CDH4: variants seen among roughly 807,000 people sequenced by gnomAD.
CDH4 encodes cadherin 4.
Under a neutral mutation model 86.0 loss-of-function variants are expected in CDH4, and 33 were observed. The ratio of observed to expected loss-of-function variants is 0.38; its 90% CI spans 0.29 to 0.51. The LOEUF is 0.51. Ranked by LOEUF, CDH4 falls within the 20% of genes least tolerant of loss-of-function variation. The probability of loss-of-function intolerance (pLI) is 0.86; values close to 1 mark genes in which losing one functional copy is unlikely to be tolerated. For missense variants in CDH4, 1,114 were observed against 1,307.4 expected (o/e 0.85, Z 2.28); for synonymous variants, 555 against 549.4 (o/e 1.01, Z -0.14).
chr20:61,572,882 G>A (rs942104752), intron 2 of CDH4, among the ~76,000 whole-genome samples: 1 of 146,428 alleles, frequency 6.8e-6, no homozygotes, highest in Non-Finnish European at 1.5e-5. Context: ...GACAGAGGGA[G>A]AGATGGATGG....
At chr20:61,652,323 C>A (rs2087130115) in intron 2 of CDH4, among the ~76,000 whole-genome samples, 2 of 147,412 alleles carry the variant, frequency 1.4e-5, no homozygotes, top group African/African-American at 4.9e-5. Context: ...TCGCTTATTG[C>A]AGTGGGACCG....
intron 2 of CDH4, among the ~76,000 whole-genome samples, chr20:61,514,373 G>A (rs1035683193): frequency 7.1e-6 from 1 of 139,928 alleles, no homozygotes; most frequent in Non-Finnish European, 1.5e-5. Flanking sequence ...TTTCTGTCTG[G>A]TGGGGGTCCA....
intron 2 of CDH4, among the ~76,000 whole-genome samples, chr20:61,456,233 C>T (rs1255852439): frequency 6.6e-6 from 1 of 152,180 alleles, no homozygotes; most frequent in Admixed American, 6.5e-5. Context: ...CTGAGTTCAC[C>T]ATCTCTACCC....
chr20:61,269,518 T>A lies in CDH4; in HGVS notation c.169+14581T>A, dbSNP rs538173174. Among the ~76,000 whole-genome samples the A allele has an allele frequency of 6.6e-6, 1 of 152,278 alleles. No individual in the cohort carries two copies. Among genetic ancestry groups the A allele is most frequent in the East Asian group, 1.9e-4 (1 of 5,174 alleles). On this transcript the variant is annotated intron_variant, in intron 2 of 15. Transcript: ENST00000614565. This position sits in a 1 kb window ranked among gnomAD's most constrained non-coding sequence, Gnocchi z 5.3. ...GGGCCTGGAAGACCCAGCAGGGTGA[T>A]CCGTGTCCCTGTGTATGGAGGCACC...
At chr20:61,636,241 G>C (rs1052574021) in intron 2 of CDH4, among the ~76,000 whole-genome samples, 7 of 152,146 alleles carry the variant, frequency 4.6e-5, no homozygotes, top group African/African-American at 1.7e-4. Context: ...TTCAGACCAT[G>C]AATCGCATAA....
intron 7 of CDH4, among the ~76,000 whole-genome samples, chr20:61,875,831 G>A (rs1877420560): frequency 6.6e-6 from 1 of 152,172 alleles, no homozygotes; most frequent in Admixed American, 6.5e-5. Flanking sequence ...TGTTAGTGAG[G>A]CCCATACAGA....
chr20:61,731,617 G>T (rs1246797537), intron 2 of CDH4, among the ~76,000 whole-genome samples: 1 of 152,204 alleles, frequency 6.6e-6, no homozygotes, highest in African/African-American at 2.4e-5. Context: ...AATCGGAAAA[G>T]CGCCGTTTCC....
At chr20:61,487,506 G>T (rs1470767084) in intron 2 of CDH4, among the ~76,000 whole-genome samples, 1 of 152,176 alleles carries the variant, frequency 6.6e-6, no homozygotes, top group Non-Finnish European at 1.5e-5. Context: ...TACATGAGAG[G>T]AGAATTTTAG....
intron 3 of CDH4, among the ~76,000 whole-genome samples, chr20:61,749,663 A>G (rs1476341154): frequency 6.6e-6 from 1 of 152,222 alleles, no homozygotes; most frequent in South Asian, 2.1e-4. Context: ...TCACATGGAA[A>G]TTAGTGAATA....
chr20:61,287,994 T>C (rs1600836654), intron 2 of CDH4, among the ~76,000 whole-genome samples: 1 of 152,208 alleles, frequency 6.6e-6, no homozygotes. Context: ...GTTATCTCAG[T>C]GAAATATGAG....
At chr20:61,787,910 G>A (rs1686546669) in intron 4 of CDH4, among the ~76,000 whole-genome samples, 1 of 152,204 alleles carries the variant, frequency 6.6e-6, no homozygotes, top group South Asian at 2.1e-4. Flanking sequence ...CAGGGAGAGG[G>A]TGAGAGAGAA....
At chr20:61,858,315 G>GTGCCTGTGTC (rs1568853205) in intron 6 of CDH4, among the ~76,000 whole-genome samples, 28 of 146,402 alleles carry the variant, frequency 1.9e-4, no homozygotes, top group African/African-American at 5.5e-4. Context: ...GTCTGTATGT[G>GTGCCTGTGTC]TGTCTGTGTC....
chr20:61,318,640 T>C lies in CDH4; in HGVS notation c.169+63703T>C, dbSNP rs529206154. On this transcript the variant is annotated intron_variant, in intron 2 of 15. Coordinates refer to ENST00000614565, the MANE Select transcript of CDH4 (RefSeq NM_001794.5). ...CCCAGGAGGAGCCTGGAATCAGTGATACTCAGTCAGAATACATGCTCAATG... is the reference window on the plus strand; with the variant it reads ...CCCAGGAGGAGCCTGGAATCAGTGACACTCAGTCAGAATACATGCTCAATG... Among the ~76,000 whole-genome samples the C allele has an allele frequency of 4.6e-3, 698 of 152,306 alleles. 10 individuals are homozygous for C. Among genetic ancestry groups the C allele is most frequent in the African/African-American group, 0.016 (672 of 41,570 alleles).
At chr20:61,927,270 C>G (rs2055054862) in intron 11 of CDH4, among the ~76,000 whole-genome samples, 2 of 152,220 alleles carry the variant, frequency 1.3e-5, no homozygotes, top group South Asian at 4.1e-4. Flanking sequence ...GCCTGGAGAG[C>G]AGACAGGGCA....
At chr20:61,834,825 A>G (rs892428292) in intron 4 of CDH4, among the ~76,000 whole-genome samples, 10 of 152,340 alleles carry the variant, frequency 6.6e-5, no homozygotes, top group African/African-American at 2.4e-4. Flanking sequence ...CCGAGTCAGA[A>G]GCAGAAGCTG....
intron 2 of CDH4, among the ~76,000 whole-genome samples, chr20:61,571,330 T>C (rs779875412): frequency 1.1e-4 from 16 of 152,150 alleles, no homozygotes; most frequent in South Asian, 2.1e-4. Flanking sequence ...CTGATGTTGG[T>C]GCAGAAGGAC....
chr20:61,935,584 C>G (rs1415539933), intron 15 of CDH4, among the ~76,000 whole-genome samples: 2 of 152,042 alleles, frequency 1.3e-5, no homozygotes, highest in African/African-American at 2.4e-5. Context: ...ATGGTGAAAC[C>G]CCGTCTCTAT....
chr20:61,774,736 T>C (rs972291638), intron 4 of CDH4, among the ~76,000 whole-genome samples: 5 of 152,194 alleles, frequency 3.3e-5, no homozygotes, highest in African/African-American at 1.2e-4. Flanking sequence ...CCATGTGTTC[T>C]CATCATTCAG....
intron 6 of CDH4, among the ~76,000 whole-genome samples, chr20:61,869,992 G>T (rs1983727718): frequency 6.6e-6 from 1 of 152,230 alleles, no homozygotes; most frequent in African/African-American, 2.4e-5. Context: ...GAGGCTCCCA[G>T]CCGTTCTGCT....
Sources: gnomAD v4.1 joint callset for allele counts (sites outside exome capture counted in the v4.1 genomes callset) on GRCh38, gnomAD v4.1.1 for gene constraint, Gnocchi (gnomAD v3.1) non-coding constraint, MANE v1.5 for transcripts, NCBI Gene and HGNC (gene_info 2026-07-23, HGNC 2026-07-21) for gene names.